Variants in SUCLG2 observed in about 807,000 individuals in gnomAD.
SUCLG2 encodes succinate--CoA ligase [GDP-forming] subunit beta, mitochondrial.
SUCLG2 carries 42 observed loss-of-function variants against 47.9 expected under a neutral mutation model. The observed-to-expected ratio is 0.88, with a 90% CI of 0.69 to 1.14. The LOEUF (loss-of-function observed/expected upper bound fraction) is 1.14, where lower values mean the gene tolerates loss of function less well. SUCLG2 is among the 50% of genes most tolerant of loss of function. SUCLG2 has a pLI of 0.00. For synonymous variants in SUCLG2, 195 were observed against 197.3 expected (o/e 0.99, Z 0.10); for missense variants, 571 against 525.9 (o/e 1.09, Z -0.84).
rs185531993 is a variant in SUCLG2, at chr3:67,422,680, A to G, written c.1063-21829T>C. ...GAGATTTCAAAGGCATAGCTCAACT[A>G]AGAACATCTTATAAACCATAAAGTC... On this transcript the variant is annotated intron_variant, in intron 9 of 10. Coordinates refer to ENST00000307227, the MANE Select transcript of SUCLG2 (RefSeq NM_003848.4). 1.7e-4 allele frequency among the ~76,000 whole-genome samples: 26 copies of G among 152,126 alleles called. 2 individuals carry two copies. Among genetic ancestry groups the G allele is most frequent in the African/African-American group, 5.5e-4 (23 of 41,518 alleles).
At chr3:67,537,072 C>A (rs1034144417) in intron 2 of SUCLG2, among the ~76,000 whole-genome samples, 1 of 152,104 alleles carries the variant, frequency 6.6e-6, no homozygotes, top group African/African-American at 2.4e-5. Context: ...ACTTTAGGTT[C>A]TGGGATATAT....
intron 9 of SUCLG2, among the ~76,000 whole-genome samples, chr3:67,416,417 C>T (rs951218858): frequency 4.6e-5 from 7 of 152,174 alleles, no homozygotes; most frequent in African/African-American, 1.7e-4. Flanking sequence ...TAGATTTATA[C>T]TTTTTAACAG....
intron 1 of SUCLG2, among the ~76,000 whole-genome samples, chr3:67,609,864 T>C (rs1330706248): frequency 6.6e-6 from 1 of 152,240 alleles, no homozygotes; most frequent in African/African-American, 2.4e-5. Flanking sequence ...TTAACAGTAA[T>C]ACACAAATAT....
intron 2 of SUCLG2, among the ~76,000 whole-genome samples, chr3:67,576,387 T>C (rs373762578): frequency 1.7e-4 from 26 of 152,116 alleles, no homozygotes; most frequent in African/African-American, 6.3e-4. Flanking sequence ...AGTAAACAAT[T>C]GGTCCAAGTT....
chr3:67,572,141 T>C (rs1707629972), intron 2 of SUCLG2, among the ~76,000 whole-genome samples: 1 of 152,230 alleles, frequency 6.6e-6, no homozygotes, highest in African/African-American at 2.4e-5. Flanking sequence ...TCAGGTCAAA[T>C]GCCTATCTAT....
intron 9 of SUCLG2, among the ~76,000 whole-genome samples, chr3:67,475,862 TC>T (rs1307035525): frequency 1.3e-5 from 2 of 152,020 alleles, no homozygotes; most frequent in African/African-American, 4.8e-5. Flanking sequence ...CAAAAATGTT[TC>T]CCTTTTGCAA....
chr3:67,518,481 G>A (rs1037106243), intron 5 of SUCLG2, 145 bp from the exon 6 acceptor site: 15 of 665,816 alleles, frequency 2.3e-5, no homozygotes, highest in Non-Finnish European at 3.6e-5. Context: ...GGCTACCGCA[G>A]ATGCCTGTAG....
At chr3:67,538,726 T>TTA (rs1389172796) in intron 2 of SUCLG2, among the ~76,000 whole-genome samples, 1 of 152,234 alleles carries the variant, frequency 6.6e-6, no homozygotes, top group Non-Finnish European at 1.5e-5. Context: ...GTATCCTCTC[T>TTA]TATTTCCTTG....
At chr3:67,502,614 T>G (rs1705528257) in intron 7 of SUCLG2, among the ~76,000 whole-genome samples, 1 of 152,220 alleles carries the variant, frequency 6.6e-6, no homozygotes, top group Non-Finnish European at 1.5e-5. Flanking sequence ...CCCTCTAATA[T>G]GCACATGCTT....
intron 9 of SUCLG2, among the ~76,000 whole-genome samples, chr3:67,435,441 T>C (rs1177047709): frequency 1.3e-5 from 2 of 152,100 alleles, no homozygotes; most frequent in Non-Finnish European, 2.9e-5. Flanking sequence ...CGATAATGGG[T>C]TTTTTATTAT....
chr3:67,412,207 AG>A (rs1702945355), intron 9 of SUCLG2, among the ~76,000 whole-genome samples: 1 of 152,196 alleles, frequency 6.6e-6, no homozygotes, highest in African/African-American at 2.4e-5. Context: ...ACATTGGCAG[AG>A]CACTCCCTAC....
chr3:67,362,307 C>T (rs1181523077), intron 10 of SUCLG2, among the ~76,000 whole-genome samples: 1 of 151,976 alleles, frequency 6.6e-6, no homozygotes, highest in Non-Finnish European at 1.5e-5. Flanking sequence ...TATGCGTCTC[C>T]CCTGGCCCCT....
intron 10 of SUCLG2, 49 bp from the exon 11 acceptor site, chr3:67,375,908 C>G: frequency 6.3e-7 from 1 of 1,588,722 alleles, no homozygotes; most frequent in South Asian, 1.1e-5. Context: ...GAGGTGGCGC[C>G]TTATGAAGTT....
chr3:67,574,535 C>T (rs183665125), intron 2 of SUCLG2, among the ~76,000 whole-genome samples: 1 of 152,250 alleles, frequency 6.6e-6, no homozygotes, highest in East Asian at 1.9e-4. Flanking sequence ...AGACTCTCAC[C>T]GCATACCATG....
At chr3:67,577,667 C>T (rs1489009872) in intron 2 of SUCLG2, among the ~76,000 whole-genome samples, 1 of 152,164 alleles carries the variant, frequency 6.6e-6, no homozygotes, top group East Asian at 1.9e-4. Flanking sequence ...TCTACCAGAG[C>T]CTCTGTCTTC....
chr3:67,398,014 T>C (rs1440127658), intron 10 of SUCLG2, among the ~76,000 whole-genome samples: 1 of 150,330 alleles, frequency 6.7e-6, no homozygotes, highest in Non-Finnish European at 1.5e-5. Flanking sequence ...TATACAAAAA[T>C]TAATTCAAGA....
intron 1 of SUCLG2, among the ~76,000 whole-genome samples, chr3:67,611,535 T>C (rs1700527136): frequency 6.6e-6 from 1 of 152,104 alleles, no homozygotes; most frequent in Admixed American, 6.5e-5. Context: ...AGCCCCTTAG[T>C]GAAAGAAAAC....
rs527519590 is a variant in SUCLG2, at chr3:67,431,653, C to T, written c.1063-30802G>A. Among the ~76,000 whole-genome samples, 6 of 151,942 alleles carry T rather than the reference C, an allele frequency of 3.9e-5. No homozygotes were observed. The East Asian group carries it at 5.8e-4, about 15-fold the overall frequency. ...TATCACAAGGACAGAAAACCAAACACCGCATGTTCTCACTCATAGGTGGGA... is the reference window on the plus strand; with the variant it reads ...TATCACAAGGACAGAAAACCAAACATCGCATGTTCTCACTCATAGGTGGGA... On this transcript the variant is annotated intron_variant, in intron 9 of 10. Transcript: ENST00000307227.
Position 67,476,395 on chromosome 3 carries a change from C to T in SUCLG2, c.1062+19403G>A, listed in dbSNP as rs150179839. On this transcript the variant is annotated intron_variant, in intron 9 of 10. Coordinates refer to ENST00000307227, the MANE Select transcript of SUCLG2 (RefSeq NM_003848.4). The stretch of plus-strand genomic sequence containing the variant: ...GTGCATGTGAGGGATCAAGGTTGTG[C>T]GCTCCTTATGAGAATCTAATGCCTG... Among the ~76,000 whole-genome samples, 10 of 152,048 alleles carry T rather than the reference C, an allele frequency of 6.6e-5. No homozygotes were observed. The South Asian group carries it at 1.2e-3, about 19-fold the overall frequency.
Sources: gnomAD v4.1 joint callset for allele counts (sites outside exome capture counted in the v4.1 genomes callset) on GRCh38, gnomAD v4.1.1 for gene constraint, MANE v1.5 for transcripts, NCBI Gene and HGNC (gene_info 2026-07-23, HGNC 2026-07-21) for gene names.